Variants in ATP9A observed in about 807,000 individuals in gnomAD.
ATP9A encodes the protein probable phospholipid-transporting ATPase IIA.
A neutral mutation model predicts 144.1 loss-of-function variants in ATP9A; 52 were observed. That is an observed-to-expected ratio of 0.36 (90% confidence interval 0.29 to 0.45). ATP9A has a LOEUF of 0.45. Among genes scored for constraint, ATP9A ranks in the 20% least tolerant of loss-of-function variants. ATP9A has a pLI of 1.00. For synonymous variants in ATP9A, 582 were observed against 557.4 expected, an observed-to-expected ratio of 1.04 and a Z score of -0.62; for missense variants, 947 against 1,392.7, an observed-to-expected ratio of 0.68 and a Z score of 5.09.
chr20:51,618,112 C>CG (rs1333004283), intron 21 of ATP9A, among the ~76,000 whole-genome samples: 1 of 151,556 alleles, frequency 6.6e-6, no homozygotes, highest in Non-Finnish European at 1.5e-5. Flanking sequence ...CCCAGCAACT[C>CG]GGGAGGCTGA....
At chr20:51,688,244 T>C (rs1025819335) in intron 9 of ATP9A, among the ~76,000 whole-genome samples, 4 of 152,226 alleles carry the variant, frequency 2.6e-5, no homozygotes, top group African/African-American at 9.6e-5. Flanking sequence ...TAACCACTGC[T>C]ATCGGGGGTC....
intron 4 of ATP9A, 103 bp downstream of exon 4, chr20:51,712,863 G>A (rs1353377625): frequency 7.0e-6 from 7 of 993,114 alleles, no homozygotes; most frequent in Non-Finnish European, 9.3e-6. Flanking sequence ...TCCGCCACGT[G>A]GCATTCCCAC....
rs1237719260 is a variant in ATP9A, at chr20:51,613,557, C to G, written c.2571+120G>C. 3.4e-6 allele frequency: 4 copies of G among 1,162,622 alleles called. No homozygotes were observed. In the East Asian group the frequency reaches 8.1e-5, roughly 24 times the overall value. 72.0% of individuals were successfully genotyped at this position (1,162,622 alleles called of 1,614,324 possible). ...GACAGCTCCAAAGCATAATCTAATTCCCAGGCTTTTTCCATGATAATTACA... is the reference window on the plus strand; with the variant it reads ...GACAGCTCCAAAGCATAATCTAATTGCCAGGCTTTTTCCATGATAATTACA... On this transcript the variant is annotated intron_variant, in intron 23 of 27. Coordinates refer to ENST00000338821, the MANE Select transcript of ATP9A (RefSeq NM_006045.3).
At chr20:51,719,338 A>C (rs116208218) in intron 3 of ATP9A, among the ~76,000 whole-genome samples, 201 of 152,310 alleles carry the variant, frequency 1.3e-3, no homozygotes, top group African/African-American at 4.6e-3. Flanking sequence ...TACTGCTTTA[A>C]ATTGTTATTA....
chr20:51,763,157 G>A (rs576733466), intron 1 of ATP9A, among the ~76,000 whole-genome samples: 3 of 152,104 alleles, frequency 2.0e-5, no homozygotes, highest in South Asian at 2.1e-4. Flanking sequence ...ATCAGAAAGC[G>A]GATCACTGGT....
chr20:51,658,307 A>C (rs2077395536), intron 13 of ATP9A, among the ~76,000 whole-genome samples: 1 of 151,958 alleles, frequency 6.6e-6, no homozygotes, highest in Admixed American at 6.6e-5. Flanking sequence ...AAAAATACAA[A>C]AATTAGCTGG....
chr20:51,617,660 G>T, intron 21 of ATP9A, 106 bp from the exon 22 acceptor site: 1 of 1,264,288 alleles, frequency 7.9e-7, no homozygotes, highest in Non-Finnish European at 1.1e-6. Flanking sequence ...CGCTTGCTGA[G>T]TGCCTGGCCT....
rs765900521 is a variant in ATP9A at position 51,601,203 on chromosome 20, C to T, written c.*8G>A. The T allele has an allele frequency of 1.4e-5, 22 of 1,596,516 alleles. No individual in the cohort carries two copies. The highest frequency in any genetic ancestry group is 7.0e-5 in the Admixed American group (4 of 57,394). On this transcript the variant is annotated 3_prime_UTR_variant, in exon 28 of 28. Coordinates refer to ENST00000338821, the MANE Select transcript of ATP9A (RefSeq NM_006045.3). Reference sequence around the variant, plus strand: ...CAAGACCAGGGCCCCCTCCAGCGAACGCACGGCCTATGATGTGAGCTTTGA... The same window carrying T: ...CAAGACCAGGGCCCCCTCCAGCGAATGCACGGCCTATGATGTGAGCTTTGA...
intron 13 of ATP9A, among the ~76,000 whole-genome samples, chr20:51,668,148 T>A (rs1180049972): frequency 2.9e-4 from 1 of 3,482 alleles, no homozygotes; most frequent in Non-Finnish European, 6.2e-4. Context: ...GGAGGGAGGG[T>A]AAGGAAAGGA....
At chr20:51,715,675 C>T (rs1293439567) in intron 3 of ATP9A, among the ~76,000 whole-genome samples, 2 of 152,132 alleles carry the variant, frequency 1.3e-5, no homozygotes, top group African/African-American at 4.8e-5. Context: ...CCACGCCATG[C>T]CTTAGTATTT....
At chr20:51,649,302 T>C (rs1196728541) in intron 14 of ATP9A, among the ~76,000 whole-genome samples, 3 of 152,134 alleles carry the variant, frequency 2.0e-5, no homozygotes, top group Non-Finnish European at 2.9e-5. Flanking sequence ...GAAAGTGGTA[T>C]TGTGGGTTGC....
At chr20:51,638,071 TTATATATATATATATATATA>T (rs56043552) in intron 15 of ATP9A, among the ~76,000 whole-genome samples, 2,195 of 34,188 alleles carry the variant, frequency 0.064, 189 homozygotes, top group African/African-American at 0.17. Context: ...TTTCATCATT[TTATATATATATATATATATA>T]TATATATATA....
intron 7 of ATP9A, among the ~76,000 whole-genome samples, chr20:51,691,810 A>T (rs538822159): frequency 1.3e-5 from 2 of 152,350 alleles, no homozygotes; most frequent in African/African-American, 4.8e-5. Context: ...ACGTAGCAGC[A>T]TTATTCACAA....
At chr20:51,744,243 G>A (rs1211103047) in intron 1 of ATP9A, among the ~76,000 whole-genome samples, 10 of 152,018 alleles carry the variant, frequency 6.6e-5, no homozygotes, top group Non-Finnish European at 1.5e-4. Context: ...TCGGTTCACT[G>A]TAACCTCCGC....
intron 10 of ATP9A, 92 bp from the exon 11 acceptor site, chr20:51,674,405 C>A (rs1568815154): frequency 2.3e-6 from 3 of 1,299,670 alleles, no homozygotes; most frequent in East Asian, 4.7e-5. Flanking sequence ...GTGAGCTGAG[C>A]CTCACTGCAC....
At chr20:51,633,781 G>A (rs570523793) in intron 15 of ATP9A, among the ~76,000 whole-genome samples, 1 of 137,956 alleles carries the variant, frequency 7.2e-6, no homozygotes, top group South Asian at 2.3e-4. Flanking sequence ...GAAAAAAAGG[G>A]AGGGAGGCAA....
chr20:51,635,213 G>A (rs1191838509), intron 15 of ATP9A, among the ~76,000 whole-genome samples: 4 of 152,210 alleles, frequency 2.6e-5, no homozygotes, highest in Non-Finnish European at 5.9e-5. Context: ...TCGTGGGAAG[G>A]CACTGAGGGT....
intron 13 of ATP9A, among the ~76,000 whole-genome samples, chr20:51,664,430 A>G (rs772303574): frequency 2.0e-5 from 3 of 151,898 alleles, no homozygotes; most frequent in Non-Finnish European, 4.4e-5. Flanking sequence ...TCTACAAAAA[A>G]TACAAAAATT....
intron 14 of ATP9A, among the ~76,000 whole-genome samples, chr20:51,652,078 C>G (rs1280415902): frequency 3.9e-5 from 6 of 152,202 alleles, no homozygotes; most frequent in Non-Finnish European, 8.8e-5. Flanking sequence ...GCATTATCAC[C>G]AAGGCCCCCA....
Sources: gnomAD v4.1 joint callset for allele counts (sites outside exome capture counted in the v4.1 genomes callset) on GRCh38, gnomAD v4.1.1 for gene constraint, MANE v1.5 for transcripts, NCBI Gene and HGNC (gene_info 2026-07-23, HGNC 2026-07-21) for gene names.